DLGAP4: variants seen among roughly 807,000 people sequenced by gnomAD.
DLGAP4 encodes the protein DLG associated protein 4.
DLGAP4 carries 18 observed loss-of-function variants against 86.9 expected under a neutral mutation model. The observed-to-expected ratio is 0.21, with a 90% CI of 0.14 to 0.31. The LOEUF (loss-of-function observed/expected upper bound fraction) is 0.31. Ranked by LOEUF, DLGAP4 falls within the 10% of genes least tolerant of loss-of-function variation. The pLI is 1.00. For missense variants in DLGAP4, 1,085 were observed against 1,362.6 expected (o/e 0.80, Z 3.21); for synonymous variants, 548 against 574.3 (o/e 0.95, Z 0.65).
chr20:36,478,105 G>T (rs754658330), intron 7 of DLGAP4, among the ~76,000 whole-genome samples: 1 of 152,198 alleles, frequency 6.6e-6, no homozygotes, highest in Non-Finnish European at 1.5e-5. Flanking sequence ...CAATAATTCT[G>T]TGTCATAGGA....
At chr20:36,433,661 T>TG (rs368058595) in intron 3 of DLGAP4, among the ~76,000 whole-genome samples, 7 of 152,070 alleles carry the variant, frequency 4.6e-5, no homozygotes, top group African/African-American at 1.4e-4. Context: ...TTTTTTTTTT[T>TG]TTAGACAGAG....
At position 36,442,791 on chromosome 20, in the gene DLGAP4, C is replaced by T. The variant is rs1471579993; in HGVS notation, c.1407+14C>T. ...CATGAGCAGCAGGTCAGTATGTTTG[C>T]CCTTCTCTTCCACCCCAATCCCAGA... On this transcript the variant is annotated intron_variant, in intron 6 of 12. Transcript: ENST00000339266. 3 of 1,614,062 alleles carry T rather than the reference C, an allele frequency of 1.9e-6. No individual in the cohort carries two copies. The highest frequency in any genetic ancestry group is 2.7e-5 in the African/African-American group (2 of 74,930).
intron 1 of DLGAP4, among the ~76,000 whole-genome samples, chr20:36,349,646 G>A (rs1055903795): frequency 2.6e-5 from 4 of 152,054 alleles, no homozygotes; most frequent in Admixed American, 2.0e-4. Context: ...CAACTTCATG[G>A]GTCATCGTGA....
chr20:36,482,109 C>G (rs1007969752), intron 7 of DLGAP4, among the ~76,000 whole-genome samples: 2 of 152,176 alleles, frequency 1.3e-5, no homozygotes, highest in African/African-American at 4.8e-5. Flanking sequence ...CTGCACTATT[C>G]GTCTCATCCC....
Position 36,442,748 on chromosome 20 carries a change from A to G in DLGAP4, c.1378A>G (p.Ile460Val). The change falls in exon 6 of 13, where the codon ATC becomes GTC. Residue 460 changes from isoleucine to valine, a missense_variant. Physicochemically the swap from Ile to Val is conservative, Grantham distance 29. This residue lies in a region of DLGAP4 where 1,082 missense variants were observed against 1,344.1 expected (regional missense o/e 0.81). Transcript: ENST00000339266. ...GCAGATTTTTGGACAGGCCTCCCTG[A>G]TCCCCCAGTTGTTTGGCCATGAGCA... Reference protein sequence around the residue: ...ISQIFGQASLIPQLFGHEQQV... With the variant: ...ISQIFGQASLVPQLFGHEQQV... The G allele has an allele frequency of 6.2e-7, 1 of 1,614,116 alleles. No homozygotes were observed. The highest frequency in any genetic ancestry group is 1.6e-4 in the Middle Eastern group (1 of 6,062).
chr20:36,486,556 G>A (rs1200611871), intron 7 of DLGAP4, among the ~76,000 whole-genome samples: 1 of 151,946 alleles, frequency 6.6e-6, no homozygotes, highest in Non-Finnish European at 1.5e-5. Context: ...GGGGAGGGTG[G>A]GCCAGTTCCT....
chr20:36,407,711 T>C (rs564896289), intron 2 of DLGAP4, among the ~76,000 whole-genome samples: 91 of 152,164 alleles, frequency 6.0e-4, no homozygotes, highest in Non-Finnish European at 1.2e-3. Flanking sequence ...ATGGTGTGTG[T>C]GCTGGGCCTT....
chr20:36,369,989 A>AAG (rs1439930538), intron 2 of DLGAP4, among the ~76,000 whole-genome samples: 1 of 152,162 alleles, frequency 6.6e-6, no homozygotes, highest in Non-Finnish European at 1.5e-5. Context: ...AGGTGAGATG[A>AAG]GAAACCAGAC....
At chr20:36,497,218 C>G in intron 8 of DLGAP4, 152 bp downstream of exon 8, 1 of 1,442,300 alleles carries the variant, frequency 6.9e-7, no homozygotes, top group South Asian at 1.5e-5. Flanking sequence ...AAACCGAATT[C>G]CACCCATAGC....
At position 36,465,621 on chromosome 20, in the gene DLGAP4, C is replaced by G. The variant is rs368080486; in HGVS notation, c.1648+18684C>G. Among the ~76,000 whole-genome samples, 3 of 152,260 alleles carry G rather than the reference C, an allele frequency of 2.0e-5. No homozygotes were observed. In the East Asian group the frequency reaches 5.8e-4, roughly 29 times the overall value. ...CATCTTGAATTTAAAAGGAGGCTATCTGGAGGCTGGGTGGGGACTGAGTCA... is the reference window on the plus strand; with the variant it reads ...CATCTTGAATTTAAAAGGAGGCTATGTGGAGGCTGGGTGGGGACTGAGTCA... On this transcript the variant is annotated intron_variant, in intron 7 of 12. Transcript: ENST00000339266.
chr20:36,483,088 G>A (rs947888663), intron 7 of DLGAP4, among the ~76,000 whole-genome samples: 16 of 152,202 alleles, frequency 1.1e-4, no homozygotes, highest in Admixed American at 6.5e-5. Flanking sequence ...GTCCAGGGTG[G>A]GCTGGGGCAG....
Position 36,424,238 on chromosome 20 carries a change from T to A in DLGAP4, c.-72-7408T>A, listed in dbSNP as rs191991198. Reference sequence around the variant, plus strand: ...ACAGCACAACAGAGGCCTCAGCGAATCCCATAGGGAGCTCTGGAACTGGGA... The same window carrying A: ...ACAGCACAACAGAGGCCTCAGCGAAACCCATAGGGAGCTCTGGAACTGGGA... On this transcript the variant is annotated intron_variant, in intron 2 of 12. Coordinates refer to ENST00000339266, the MANE Select transcript of DLGAP4 (RefSeq NM_001365621.2). 4.5e-4 allele frequency among the ~76,000 whole-genome samples: 68 copies of A among 152,252 alleles called. No individual in the cohort carries two copies. In the East Asian group the frequency reaches 0.013, roughly 29 times the overall value.
intron 2 of DLGAP4, among the ~76,000 whole-genome samples, chr20:36,427,637 GT>G (rs148903293): frequency 3.3e-5 from 5 of 151,258 alleles, no homozygotes; most frequent in Non-Finnish European, 1.5e-5. Context: ...TTTCTCCTCA[GT>G]TTTTTTTTAA....
chr20:36,473,082 A>G (rs1035595160), intron 7 of DLGAP4: 1 of 152,268 alleles, frequency 6.6e-6, no homozygotes, highest in Admixed American at 6.6e-5. Context: ...TCCGGGGCAG[A>G]GCTGAGCTGG....
rs999329649 is a variant in DLGAP4, at chr20:36,350,005, G to A, written c.-303-17040G>A. On this transcript the variant is annotated intron_variant, in intron 1 of 12. Transcript: ENST00000339266. This position sits in a 1 kb window ranked among gnomAD's most constrained non-coding sequence, Gnocchi z 4.4. Reference sequence around the variant, plus strand: ...CATCAGGCACAGCTGTGCTGATGCCGGCCCCTCATCCCCACAGGCTCCCAA... The same window carrying A: ...CATCAGGCACAGCTGTGCTGATGCCAGCCCCTCATCCCCACAGGCTCCCAA... Among the ~76,000 whole-genome samples the A allele has an allele frequency of 2.6e-5, 4 of 152,088 alleles. No homozygotes were observed. The highest frequency in any genetic ancestry group is 1.9e-4 in the East Asian group (1 of 5,184).
At chr20:36,495,155 C>A (rs2035835703) in intron 7 of DLGAP4, among the ~76,000 whole-genome samples, 1 of 152,092 alleles carries the variant, frequency 6.6e-6, no homozygotes, top group Admixed American at 6.6e-5. Context: ...CCATGCCCAG[C>A]TGCATGTTTT....
At chr20:36,356,343 G>A (rs560830891) in intron 1 of DLGAP4, among the ~76,000 whole-genome samples, 6 of 152,068 alleles carry the variant, frequency 3.9e-5, no homozygotes, top group Non-Finnish European at 7.4e-5. Context: ...ACGGAGTCTC[G>A]CTCTGTCACC....
At chr20:36,343,408 G>A (rs558123897) in intron 1 of DLGAP4, among the ~76,000 whole-genome samples, 1 of 152,186 alleles carries the variant, frequency 6.6e-6, no homozygotes, top group East Asian at 1.9e-4. Flanking sequence ...CCACACCAGG[G>A]CCCAGGAACC....
At chr20:36,460,653 G>A (rs1379586746) in intron 7 of DLGAP4, among the ~76,000 whole-genome samples, 1 of 152,216 alleles carries the variant, frequency 6.6e-6, no homozygotes, top group Admixed American at 6.5e-5. Context: ...CTGGAGAGAT[G>A]AGGCCCACAA....
Sources: allele counts gnomAD v4.1 joint callset (sites outside exome capture counted in the v4.1 genomes callset), GRCh38; gene constraint gnomAD v4.1.1; regional missense constraint gnomAD v4.1.1; non-coding constraint Gnocchi (gnomAD v3.1); transcripts MANE v1.5; gene names NCBI Gene and HGNC (gene_info 2026-07-23, HGNC 2026-07-21).